TBC1D2: variants seen among roughly 807,000 people sequenced by gnomAD.
TBC1D2 encodes the protein TBC1 domain family member 2A.
A neutral mutation model predicts 91.1 loss-of-function variants in TBC1D2; 58 were observed. The ratio of observed to expected loss-of-function variants is 0.64; its 90% CI spans 0.52 to 0.79. TBC1D2 has a LOEUF of 0.79. Ranked by LOEUF, TBC1D2 falls within the 30% of genes least tolerant of loss-of-function variation. The pLI, the probability that TBC1D2 is intolerant of heterozygous loss-of-function variation, is 0.00. For synonymous variants in TBC1D2, 482 were observed against 511.5 expected, an observed-to-expected ratio of 0.94 and a Z score of 0.78; for missense variants, 1,080 against 1,208.3, an observed-to-expected ratio of 0.89 and a Z score of 1.57.
intron 5 of TBC1D2, among the ~76,000 whole-genome samples, chr9:98,221,883 C>G (rs1003590624): frequency 5.3e-5 from 8 of 152,184 alleles, no homozygotes; most frequent in Admixed American, 2.6e-4. Flanking sequence ...AACATGCCAA[C>G]ACACCAGGCT....
At chr9:98,250,581 A>G (rs1829851687) in intron 2 of TBC1D2, among the ~76,000 whole-genome samples, 1 of 152,122 alleles carries the variant, frequency 6.6e-6, no homozygotes, top group Admixed American at 6.6e-5. Context: ...TAGTGGGTAC[A>G]AGAGGGGAAA....
Position 98,221,227 on chromosome 9 carries a change from TC to T in TBC1D2, c.979del (p.Glu327SerfsTer2). On this transcript the variant is annotated frameshift_variant and splice_region_variant, in exon 6 of 13. Transcript: ENST00000465784. LOFTEE classifies it high-confidence loss of function. ...TGCCTTGTGCAGGATCTTCACTAGC[TC>T]CTGGGCAGGGAGAGGGAAGAATCTT... ...MLTKELKSQKELVKILHKALE... is the reference protein window; with the variant it reads ...MLTKELKSQKXLVKILHKALE... 6.5e-7 allele frequency: 1 copy of T among 1,534,872 alleles called. No individual in the cohort carries two copies. The highest frequency in any genetic ancestry group is 8.8e-7 in the Non-Finnish European group (1 of 1,135,910).
chr9:98,207,201 T>G (rs12339078), intron 9 of TBC1D2, among the ~76,000 whole-genome samples: 13,073 of 152,230 alleles, frequency 0.086, 753 homozygotes, highest in Non-Finnish European at 0.13. Flanking sequence ...AGGCTGGAAA[T>G]AGAGTATGAA....
At chr9:98,233,752 A>G (rs559222475) in intron 3 of TBC1D2, among the ~76,000 whole-genome samples, 1 of 152,240 alleles carries the variant, frequency 6.6e-6, no homozygotes, top group African/African-American at 2.4e-5. Flanking sequence ...TCGCATTCTC[A>G]TCTTCCACAC....
intron 6 of TBC1D2, among the ~76,000 whole-genome samples, chr9:98,217,372 G>A (rs1390244002): frequency 3.3e-5 from 5 of 152,238 alleles, no homozygotes; most frequent in Non-Finnish European, 7.3e-5. Context: ...CAGTGGCCTG[G>A]GCATGGGAGG....
At chr9:98,205,359 G>A (rs999148467) in intron 9 of TBC1D2, among the ~76,000 whole-genome samples, 2 of 152,182 alleles carry the variant, frequency 1.3e-5, no homozygotes, top group Non-Finnish European at 2.9e-5. Flanking sequence ...AGGCATTTAG[G>A]GCCCAGGTAG....
rs1345739381 is a variant in TBC1D2, at chr9:98,249,308, C to G, written c.511+2477G>C. 7.2e-5 allele frequency among the ~76,000 whole-genome samples: 11 copies of G among 152,226 alleles called. No individual in the cohort carries two copies. In the South Asian group the frequency reaches 1.9e-3, roughly 26 times the overall value. ...CCCAGGTCATCACAGCAACTCCACC[C>G]CTTTCTCCAATGCCCACAGCAGGGG... On this transcript the variant is annotated intron_variant, in intron 2 of 12. Coordinates refer to ENST00000465784, the MANE Select transcript of TBC1D2 (RefSeq NM_001267571.2).
rs1374479640 is a variant in TBC1D2, at chr9:98,213,373, C to T, written c.1375-155G>A. Reference sequence around the variant, plus strand: ...AAGTCTGAAAGAAAAATAAAATACTCATAGCACCCTTCTCTATTCTTGATG... The same window carrying T: ...AAGTCTGAAAGAAAAATAAAATACTTATAGCACCCTTCTCTATTCTTGATG... On this transcript the variant is annotated intron_variant, in intron 6 of 12. Coordinates refer to ENST00000465784, the MANE Select transcript of TBC1D2 (RefSeq NM_001267571.2). The T allele has an allele frequency of 6.9e-6, 10 of 1,452,078 alleles. No individual in the cohort carries two copies. In the South Asian group the frequency reaches 8.8e-5, roughly 13 times the overall value. The allele number at this position is 1,452,078 out of a possible 1,614,324, so 89.9% of individuals were successfully genotyped here.
chr9:98,243,911 C>A, intron 3 of TBC1D2, 83 bp downstream of exon 3: 1 of 1,527,704 alleles, frequency 6.5e-7, no homozygotes, highest in Middle Eastern at 2.0e-4. Flanking sequence ...GCCCATCTCC[C>A]TGCAGGAGAA....
At chr9:98,233,260 T>C (rs1205859134) in intron 4 of TBC1D2, among the ~76,000 whole-genome samples, 156 bp downstream of exon 4, 2 of 152,226 alleles carry the variant, frequency 1.3e-5, no homozygotes, top group African/African-American at 4.8e-5. Context: ...ATCTGTTATT[T>C]AAGCCACGCA....
intron 3 of TBC1D2, among the ~76,000 whole-genome samples, chr9:98,233,813 T>C (rs756658306): frequency 2.0e-5 from 3 of 152,208 alleles, no homozygotes; most frequent in Non-Finnish European, 4.4e-5. Flanking sequence ...CCCCCACCCC[T>C]GCAGCTGGAA....
Position 98,232,340 on chromosome 9 carries a change from C to CTTTTTTTTTTTTTTTT in TBC1D2, c.781+1075_781+1076insAAAAAAAAAAAAAAAA, listed in dbSNP as rs1554754378. On this transcript the variant is annotated intron_variant, in intron 4 of 12. Coordinates refer to ENST00000465784, the MANE Select transcript of TBC1D2 (RefSeq NM_001267571.2). Reference sequence around the variant, plus strand: ...TTTTTCTTTTCTTCTTTCTCTTTTTCTGTTTTTTTTTTTGACAGTGTCTCA... The same window carrying CTTTTTTTTTTTTTTTT: ...TTTTTCTTTTCTTCTTTCTCTTTTTCTTTTTTTTTTTTTTTTTGTTTTTTTTTTTGACAGTGTCTCA... Among the ~76,000 whole-genome samples the CTTTTTTTTTTTTTTTT allele has an allele frequency of 5.4e-4, 28 of 52,038 alleles. 2 individuals carry two copies. The highest frequency in any genetic ancestry group is 4.0e-3 in the African/African-American group (25 of 6,204). The allele number at this position is 52,038 out of a possible 152,430, so 34.1% of individuals were successfully genotyped here. A position where few individuals can be genotyped will look rare whatever the true frequency, so the allele number is the denominator to read the frequency against.
intron 1 of TBC1D2, among the ~76,000 whole-genome samples, chr9:98,253,887 A>C (rs900926596): frequency 1.3e-5 from 2 of 152,132 alleles, no homozygotes; most frequent in Admixed American, 6.5e-5. Flanking sequence ...GTGGGGGTGC[A>C]TTAGCTCCAC....
At chr9:98,225,832 A>G (rs1339075534) in intron 5 of TBC1D2, among the ~76,000 whole-genome samples, 1 of 152,226 alleles carries the variant, frequency 6.6e-6, no homozygotes, top group Non-Finnish European at 1.5e-5. Flanking sequence ...TGCTCTCAAG[A>G]GCATCTCGCA....
chr9:98,229,914 A>G (rs1376538058), intron 4 of TBC1D2, among the ~76,000 whole-genome samples: 3 of 152,234 alleles, frequency 2.0e-5, no homozygotes, highest in African/African-American at 7.2e-5. Context: ...CAGAAACCCT[A>G]TGGCCCACAA....
At chr9:98,231,036 G>T (rs1446401998) in intron 4 of TBC1D2, among the ~76,000 whole-genome samples, 1 of 152,162 alleles carries the variant, frequency 6.6e-6, no homozygotes, top group East Asian at 1.9e-4. Flanking sequence ...TGGGGTATAG[G>T]GGAGCAGGGA....
Position 98,209,929 on chromosome 9 carries a change from A to G in TBC1D2, c.1673+727T>C, listed in dbSNP as rs56199091. Among the ~76,000 whole-genome samples, 701 of 150,044 alleles carry G rather than the reference A, an allele frequency of 4.7e-3. 1 individual carries two copies. The highest frequency in any genetic ancestry group is 7.7e-3 in the Non-Finnish European group (519 of 67,346). On this transcript the variant is annotated intron_variant, in intron 8 of 12. Coordinates refer to ENST00000465784, the MANE Select transcript of TBC1D2 (RefSeq NM_001267571.2). ...TTGCAGCTTCTACCTTCTGGGCTCA[A>G]GTGATCCTCCCACCTCAGCCTTCCG...
intron 7 of TBC1D2, among the ~76,000 whole-genome samples, chr9:98,211,861 G>A (rs1184652762): frequency 6.6e-6 from 1 of 150,780 alleles, no homozygotes; most frequent in East Asian, 2.0e-4. Flanking sequence ...GCAGTGGCAT[G>A]ATCTTGGCTC....
intron 6 of TBC1D2, among the ~76,000 whole-genome samples, chr9:98,220,416 C>T (rs1274507730): frequency 2.6e-5 from 4 of 152,206 alleles, no homozygotes; most frequent in African/African-American, 9.7e-5. Flanking sequence ...GTCATCCGTA[C>T]AGTGTGCAGG....
Sources: gnomAD v4.1 joint callset for allele counts (sites outside exome capture counted in the v4.1 genomes callset) on GRCh38, gnomAD v4.1.1 for gene constraint, MANE v1.5 for transcripts, NCBI Gene and HGNC (gene_info 2026-07-23, HGNC 2026-07-21) for gene names.